PREP: variants seen among roughly 807,000 people sequenced by gnomAD.
PREP encodes dJ355L5.1 (prolyl endopeptidase).
A neutral mutation model predicts 87.6 loss-of-function variants in PREP; 29 were observed. That is an observed-to-expected ratio of 0.33 (90% confidence interval 0.25 to 0.45). The LOEUF is 0.45. Among genes scored for constraint, PREP ranks in the 20% least tolerant of loss-of-function variants. PREP has a pLI of 1.00. For missense variants in PREP, 695 were observed against 886.5 expected, an observed-to-expected ratio of 0.78 and a Z score of 2.74; for synonymous variants, 337 against 328.6, an observed-to-expected ratio of 1.03 and a Z score of -0.28.
chr6:105,349,970 G>T (rs1771904459), intron 7 of PREP, among the ~76,000 whole-genome samples: 1 of 139,948 alleles, frequency 7.1e-6, no homozygotes. Flanking sequence ...CGGGCATACA[G>T]ACCCCTGAAT....
chr6:105,286,385 A>G (rs757960400), intron 11 of PREP, among the ~76,000 whole-genome samples: 13 of 152,216 alleles, frequency 8.5e-5, no homozygotes, highest in Non-Finnish European at 1.8e-4. Flanking sequence ...CAAGAGGTAA[A>G]GGAGATCAGG....
intron 6 of PREP, among the ~76,000 whole-genome samples, chr6:105,367,671 C>CA (rs112161765): frequency 0.15 from 11,741 of 79,996 alleles, 1,061 homozygotes; most frequent in African/African-American, 0.29. Flanking sequence ...GACTCCGTCT[C>CA]AAAAAAAAAA....
At chr6:105,359,075 C>T (rs1019601727) in intron 6 of PREP, among the ~76,000 whole-genome samples, 18 of 152,166 alleles carry the variant, frequency 1.2e-4, no homozygotes, top group African/African-American at 2.2e-4. Context: ...CAATTTAACA[C>T]GTGCCATCAA....
chr6:105,387,150 G>A (rs904065131), intron 2 of PREP, among the ~76,000 whole-genome samples: 2 of 152,088 alleles, frequency 1.3e-5, no homozygotes, highest in African/African-American at 2.4e-5. Flanking sequence ...TGAACTTGCC[G>A]GGTGGAGGTT....
chr6:105,335,455 A>G (rs986420585), intron 7 of PREP, among the ~76,000 whole-genome samples: 5 of 152,372 alleles, frequency 3.3e-5, no homozygotes, highest in South Asian at 2.1e-4. Flanking sequence ...ACAGGGAAAT[A>G]AATTCCACCA....
At position 105,347,576 on chromosome 6, in the gene PREP, A is replaced by C. The variant is rs368425485; in HGVS notation, c.823+5396T>G. On this transcript the variant is annotated intron_variant, in intron 7 of 14. Transcript: ENST00000652536. ...TTTATATTTTTAAGGCAGAAACTTA[A>C]GTTTTCATGTAAATTTTTAAAGTCC... Among the ~76,000 whole-genome samples the C allele has an allele frequency of 8.3e-4, 126 of 152,336 alleles. 1 individual carries two copies. Among genetic ancestry groups the C allele is most frequent in the Middle Eastern group, 6.8e-3 (2 of 294 alleles).
intron 12 of PREP, among the ~76,000 whole-genome samples, chr6:105,283,618 C>T (rs1324678061): frequency 6.6e-6 from 1 of 152,160 alleles, no homozygotes; most frequent in Admixed American, 6.5e-5. Context: ...TATATGACTA[C>T]ATTTTAAAAA....
At chr6:105,283,276 C>G (rs1770120894) in intron 12 of PREP, among the ~76,000 whole-genome samples, 1 of 152,222 alleles carries the variant, frequency 6.6e-6, no homozygotes, top group Non-Finnish European at 1.5e-5. Flanking sequence ...TTATCATCTG[C>G]AAATCGTTCC....
chr6:105,357,918 T>G (rs1415645780), intron 6 of PREP, among the ~76,000 whole-genome samples: 2 of 152,020 alleles, frequency 1.3e-5, no homozygotes, highest in Admixed American at 6.5e-5. Context: ...ATACTGTTTT[T>G]TTTTTTTTTT....
At chr6:105,337,831 A>G (rs1002067863) in intron 7 of PREP, among the ~76,000 whole-genome samples, 3 of 152,242 alleles carry the variant, frequency 2.0e-5, no homozygotes, top group African/African-American at 7.2e-5. Context: ...TGAGAAACAG[A>G]CACCGTTACA....
chr6:105,357,815 C>T (rs1405442769), intron 6 of PREP, among the ~76,000 whole-genome samples: 1 of 151,874 alleles, frequency 6.6e-6, no homozygotes, highest in Non-Finnish European at 1.5e-5. Flanking sequence ...AGTTACTTTC[C>T]TAAAAGCCAG....
chr6:105,281,479 T>C, intron 14 of PREP: 1 of 334,946 alleles, frequency 3.0e-6, no homozygotes, highest in Non-Finnish European at 5.5e-6. Flanking sequence ...GCAAGCAGTA[T>C]CTAGGTAAGT....
At chr6:105,302,827 TG>T (rs1583044051) in intron 10 of PREP, 1 of 393,720 alleles carries the variant, frequency 2.5e-6, no homozygotes, top group East Asian at 7.1e-5. Context: ...TAGCCATTGC[TG>T]CACAGGCCGC....
At chr6:105,361,840 G>T (rs1325167459) in intron 6 of PREP, among the ~76,000 whole-genome samples, 1 of 152,104 alleles carries the variant, frequency 6.6e-6, no homozygotes, top group Non-Finnish European at 1.5e-5. Flanking sequence ...ACTCATTTAT[G>T]GATTTGTAAT....
chr6:105,374,534 C>T (rs1243757142), intron 4 of PREP, among the ~76,000 whole-genome samples: 4 of 151,012 alleles, frequency 2.6e-5, no homozygotes, highest in African/African-American at 7.3e-5. Context: ...AGTATCTAGG[C>T]TCATATGTAT....
chr6:105,282,542 A>G lies in PREP; in HGVS notation c.1590T>C (p.Phe530=). 1 of 1,614,184 alleles carries G rather than the reference A, an allele frequency of 6.2e-7. No individual in the cohort carries two copies. The highest frequency in any genetic ancestry group is 1.7e-5 in the Admixed American group (1 of 60,028). The change falls in exon 13 of 15, where the codon TTT becomes TTC. Residue 530 remains phenylalanine, a synonymous_variant. Transcript: ENST00000652536. ...LANKQNCFDD[F]QCAAEYLIKE... The stretch of plus-strand genomic sequence containing the variant: ...TGATCAGATACTCAGCAGCACACTG[A>G]AAGTCATCAAAGCAGTTTTGTTTGT...
Position 105,353,160 on chromosome 6 carries a change from T to C in PREP, c.718-83A>G. 3 of 1,162,900 alleles carry C rather than the reference T, an allele frequency of 2.6e-6. No individual in the cohort carries two copies. The South Asian group carries it at 4.2e-5, about 16-fold the overall frequency. 72.0% of individuals were successfully genotyped at this position (1,162,900 alleles called of 1,614,324 possible). On this transcript the variant is annotated intron_variant, in intron 6 of 14. Coordinates refer to ENST00000652536, the MANE Select transcript of PREP (RefSeq NM_002726.5). ...ATTATTGAATATTAAGTTAAAAAAT[T>C]AAGGTTAATTTTCAAAGGCAGTGTC...
At chr6:105,331,088 T>G (rs1457744819) in intron 8 of PREP, among the ~76,000 whole-genome samples, 2 of 152,182 alleles carry the variant, frequency 1.3e-5, no homozygotes. Context: ...ACAAGGTGAT[T>G]TGTAGACTGT....
At chr6:105,344,266 C>A (rs187209633) in intron 7 of PREP, among the ~76,000 whole-genome samples, 1 of 152,114 alleles carries the variant, frequency 6.6e-6, no homozygotes, top group East Asian at 1.9e-4. Flanking sequence ...CCGAGGCAGG[C>A]GGATCATGAG....
Sources: gnomAD v4.1 joint callset for allele counts (sites outside exome capture counted in the v4.1 genomes callset) on GRCh38, gnomAD v4.1.1 for gene constraint, MANE v1.5 for transcripts, NCBI Gene and HGNC (gene_info 2026-07-23, HGNC 2026-07-21) for gene names.